The following CLEC16A variants were observed in gnomAD, a reference collection of about 807,000 sequenced individuals.
The protein encoded by CLEC16A is C-type lectin domain containing 16A.
Under a neutral mutation model 109.5 loss-of-function variants are expected in CLEC16A, and 51 were observed. That is an observed-to-expected ratio of 0.47 (90% CI 0.37 to 0.59). The LOEUF is 0.59. Ranked by LOEUF, CLEC16A falls within the 20% of genes least tolerant of loss-of-function variation. CLEC16A has a pLI of 0.00. For synonymous variants in CLEC16A, 673 were observed against 564.2 expected (o/e 1.19, Z -2.73); for missense variants, 1,339 against 1,394.0 (o/e 0.96, Z 0.63).
intron 11 of CLEC16A, among the ~76,000 whole-genome samples, chr16:11,014,020 A>G (rs1220774571): frequency 6.6e-6 from 1 of 152,188 alleles, no homozygotes; most frequent in African/African-American, 2.4e-5. Flanking sequence ...TCTCATTCTC[A>G]TTGATTTAAT....
chr16:11,101,923 C>T lies in CLEC16A; in HGVS notation c.2117-18692C>T, dbSNP rs868862801. Among the ~76,000 whole-genome samples, 5 of 151,882 alleles carry T rather than the reference C, an allele frequency of 3.3e-5. No homozygotes were observed. In the South Asian group the frequency reaches 8.3e-4, roughly 25 times the overall value. ...GCTCAAGTGATCCTCCCACCTCAGC[C>T]CCCCGAGTAGCTGGGACCACAGGTG... On this transcript the variant is annotated intron_variant, in intron 19 of 23. Transcript: ENST00000409790.
chr16:11,141,000 G>A (rs2053799234), intron 22 of CLEC16A, among the ~76,000 whole-genome samples: 1 of 152,232 alleles, frequency 6.6e-6, no homozygotes, highest in Non-Finnish European at 1.5e-5. Context: ...TTATCGTAGT[G>A]TCATAATGGC....
intron 13 of CLEC16A, among the ~76,000 whole-genome samples, chr16:11,039,186 C>G (rs1309194212): frequency 2.0e-5 from 3 of 152,126 alleles, no homozygotes; most frequent in African/African-American, 7.2e-5. Context: ...TAGGAGAATG[C>G]CACCATTTGG....
At chr16:11,126,234 C>T (rs963965617) in intron 22 of CLEC16A, 88 bp downstream of exon 22, 4 of 1,582,092 alleles carry the variant, frequency 2.5e-6, no homozygotes, top group Non-Finnish European at 3.4e-6. Context: ...TGTGAGCTGC[C>T]CTTCCTCTCT....
At chr16:11,078,132 C>T (rs371855629) in intron 19 of CLEC16A, among the ~76,000 whole-genome samples, 8 of 152,206 alleles carry the variant, frequency 5.3e-5, no homozygotes, top group African/African-American at 1.9e-4. Context: ...GCTCTAGGGG[C>T]ATCTGATTTG....
chr16:11,056,470 A>C (rs983888341), intron 18 of CLEC16A: 2 of 152,204 alleles, frequency 1.3e-5, no homozygotes, highest in Non-Finnish European at 2.9e-5. Flanking sequence ...AATGCCAGAG[A>C]AAAGAGAGTT....
intron 13 of CLEC16A, among the ~76,000 whole-genome samples, chr16:11,038,975 A>G (rs1031027379): frequency 2.0e-5 from 3 of 152,116 alleles, no homozygotes; most frequent in Non-Finnish European, 2.9e-5. Flanking sequence ...TGAGTTTGTC[A>G]TTAAAAGCTT....
chr16:11,145,003 A>T (rs1434142369), intron 22 of CLEC16A, among the ~76,000 whole-genome samples: 1 of 152,156 alleles, frequency 6.6e-6, no homozygotes, highest in Admixed American at 6.5e-5. Context: ...GTCTTAAAGG[A>T]TGAGCTAGGT....
At chr16:11,025,849 C>G (rs1485021464) in intron 13 of CLEC16A, among the ~76,000 whole-genome samples, 1 of 152,158 alleles carries the variant, frequency 6.6e-6, no homozygotes, top group African/African-American at 2.4e-5. Flanking sequence ...CCCAGCTCTC[C>G]TCTTCAAAGG....
At chr16:11,080,803 C>T (rs758979230) in intron 19 of CLEC16A, among the ~76,000 whole-genome samples, 1 of 152,234 alleles carries the variant, frequency 6.6e-6, no homozygotes, top group Non-Finnish European at 1.5e-5. Flanking sequence ...TCGTCTGCCT[C>T]ACTCTTTCAC....
rs771171556 is a variant in CLEC16A at position 11,047,245 on chromosome 16, A to G, written c.1816-47A>G. On this transcript the variant is annotated intron_variant, in intron 16 of 23. Coordinates refer to ENST00000409790, the MANE Select transcript of CLEC16A (RefSeq NM_015226.3). ...GTTTATAATACTCTGTTGTTTATGG[A>G]AAAAAATATGAATAATCTCCTCTTC... 2.6e-6 allele frequency: 4 copies of G among 1,527,752 alleles called. No homozygotes were observed. In the Admixed American group the frequency reaches 5.6e-5, roughly 21 times the overall value. 94.6% of individuals were successfully genotyped at this position (1,527,752 alleles called of 1,614,324 possible). A position where few individuals can be genotyped will look rare whatever the true frequency, so the allele number is the denominator to read the frequency against.
chr16:11,152,038 C>T (rs2054310379), intron 22 of CLEC16A, among the ~76,000 whole-genome samples: 1 of 152,164 alleles, frequency 6.6e-6, no homozygotes, highest in South Asian at 2.1e-4. Context: ...GAACTAGGTG[C>T]TTGAGTACTG....
chr16:11,084,292 T>C (rs113385441), intron 19 of CLEC16A, among the ~76,000 whole-genome samples: 116 of 152,246 alleles, frequency 7.6e-4, no homozygotes, highest in African/African-American at 2.7e-3. Flanking sequence ...CTCTCTCTGT[T>C]CATGGCATTT....
intron 7 of CLEC16A, among the ~76,000 whole-genome samples, chr16:10,974,976 G>A (rs1265917419): frequency 1.3e-5 from 2 of 152,180 alleles, no homozygotes; most frequent in African/African-American, 4.8e-5. Flanking sequence ...CAAAATAGGA[G>A]TCCATGCAGA....
At chr16:11,105,032 C>G (rs1038244272) in intron 19 of CLEC16A, among the ~76,000 whole-genome samples, 1 of 152,206 alleles carries the variant, frequency 6.6e-6, no homozygotes, top group Admixed American at 6.5e-5. Context: ...CTTAAGTATT[C>G]AGATCTTTTC....
chr16:11,140,953 T>G (rs1027632254), intron 22 of CLEC16A, among the ~76,000 whole-genome samples: 3 of 152,230 alleles, frequency 2.0e-5, no homozygotes, highest in African/African-American at 7.2e-5. Flanking sequence ...CAGCAGGAGC[T>G]TAGCTGGGCC....
chr16:11,027,709 G>C, intron 13 of CLEC16A: 1 of 1,579,330 alleles, frequency 6.3e-7, no homozygotes, highest in Non-Finnish European at 8.6e-7. Flanking sequence ...AAGGAGATGG[G>C]CACACTTGGC....
intron 19 of CLEC16A, among the ~76,000 whole-genome samples, chr16:11,096,015 G>A (rs1281476344): frequency 6.6e-6 from 1 of 151,846 alleles, no homozygotes; most frequent in Non-Finnish European, 1.5e-5. Context: ...CACAAATACT[G>A]TGCAAATACC....
chr16:11,133,402 C>G (rs1024973297), intron 22 of CLEC16A, among the ~76,000 whole-genome samples: 4 of 151,910 alleles, frequency 2.6e-5, no homozygotes, highest in Non-Finnish European at 5.9e-5. Context: ...TGCTTTTCAC[C>G]GGTGTTATCT....
Sources: gnomAD v4.1 joint callset for allele counts (sites outside exome capture counted in the v4.1 genomes callset) on GRCh38, gnomAD v4.1.1 for gene constraint, MANE v1.5 for transcripts, NCBI Gene and HGNC (gene_info 2026-07-23, HGNC 2026-07-21) for gene names.